Variants in PIGF observed in about 807,000 individuals in gnomAD.
PIGF encodes GPI ethanolamine phosphate transferase, stabilizing subunit.
PIGF carries 23 observed loss-of-function variants against 26.0 expected under a neutral mutation model. The ratio of observed to expected loss-of-function variants is 0.88; its 90% CI spans 0.64 to 1.25. The LOEUF is 1.25. Among genes scored for constraint, PIGF ranks in the 50% most tolerant of loss-of-function variants. The pLI, the probability that PIGF is intolerant of heterozygous loss-of-function variation, is 0.00. For synonymous variants in PIGF, 93 were observed against 92.6 expected (o/e 1.00, Z -0.03); for missense variants, 278 against 249.9 (o/e 1.11, Z -0.76).
chr2:46,616,266 C>T (rs1331397109), intron 1 of PIGF: 2 of 152,286 alleles, frequency 1.3e-5, no homozygotes, highest in Non-Finnish European at 2.9e-5. Context: ...GCATGAAAAG[C>T]AAACGGATGG....
At chr2:46,599,471 C>T (rs1036155353) in intron 4 of PIGF, among the ~76,000 whole-genome samples, 1 of 152,158 alleles carries the variant, frequency 6.6e-6, no homozygotes, top group African/African-American at 2.4e-5. Flanking sequence ...CACATCTTCT[C>T]TAAATGCTTT....
chr2:46,593,130 C>T (rs185735017), intron 4 of PIGF, among the ~76,000 whole-genome samples: 91 of 131,600 alleles, frequency 6.9e-4, no homozygotes, highest in Non-Finnish European at 1.8e-4. Flanking sequence ...TTCAACCAGT[C>T]TTTCTTTTTT....
At chr2:46,585,483 T>C (rs1360015295) in intron 5 of PIGF, among the ~76,000 whole-genome samples, 1 of 152,316 alleles carries the variant, frequency 6.6e-6, no homozygotes, top group East Asian at 1.9e-4. Context: ...CATTTTAACA[T>C]CTGAGCCTCA....
At chr2:46,584,224 C>G (rs1423010066) in intron 5 of PIGF, among the ~76,000 whole-genome samples, 1 of 152,132 alleles carries the variant, frequency 6.6e-6, no homozygotes, top group Non-Finnish European at 1.5e-5. Context: ...GCATAGTTTA[C>G]TATCTACGTA....
In PIGF at chr2:46,612,339, GC is replaced by G; in HGVS notation, c.325del (p.Ala109HisfsTer23). The G allele has an allele frequency of 8.0e-7, 1 of 1,243,246 alleles. No individual in the cohort carries two copies. The highest frequency in any genetic ancestry group is 1.1e-6 in the Non-Finnish European group (1 of 901,024). 77.0% of individuals were successfully genotyped at this position (1,243,246 alleles called of 1,614,324 possible). On this transcript the variant is annotated frameshift_variant, in exon 4 of 6. Coordinates refer to ENST00000281382, the MANE Select transcript of PIGF (RefSeq NM_002643.4). LOFTEE classifies it high-confidence loss of function. ...AACTGCAAATAAAAATGTTTCCAAT[GC>G]CAACCTAGAAAAAAAAAAAGATTAC... ...VLYGAPLIEL[A>X]LETFLFAVIL...
intron 3 of PIGF, 132 bp from the exon 4 acceptor site, chr2:46,612,476 A>G (rs1670454308): frequency 2.5e-6 from 1 of 392,850 alleles, no homozygotes; most frequent in East Asian, 3.9e-5. Context: ...GAATGCCACC[A>G]AAATGATGAC....
At position 46,611,462 on chromosome 2, in the gene PIGF, G is replaced by A. The variant is rs12613429; in HGVS notation, c.437+766C>T. ...TCATGCCACTGCACTCCAGCCTGGC[G>A]ACAGAGCGAGGTTCCATCTCAAAAA... On this transcript the variant is annotated intron_variant, in intron 4 of 5. Coordinates refer to ENST00000281382, the MANE Select transcript of PIGF (RefSeq NM_002643.4). 1.0e-3 allele frequency among the ~76,000 whole-genome samples: 147 copies of A among 147,046 alleles called. 2 individuals carry two copies. The East Asian group carries it at 0.026, about 26-fold the overall frequency.
At chr2:46,614,018 A>G in intron 2 of PIGF, 1 of 416,636 alleles carries the variant, frequency 2.4e-6, no homozygotes, top group South Asian at 3.3e-5. Flanking sequence ...TACCCATCCG[A>G]CCTACATGAG....
In PIGF at chr2:46,589,040, T is replaced by G. The variant is rs1395046498; in HGVS notation, c.546+3435A>C. ...AAAGCCTATCTGGATTATGGGAAAT[T>G]CAAATATTTGTTTTCTTGCTGAGAT... On this transcript the variant is annotated intron_variant, in intron 5 of 5. Coordinates refer to ENST00000281382, the MANE Select transcript of PIGF (RefSeq NM_002643.4). The surrounding 1 kb of genome is among the most constrained non-coding windows in gnomAD (Gnocchi z 4.7). Among the ~76,000 whole-genome samples, 1 of 152,098 alleles carries G rather than the reference T, an allele frequency of 6.6e-6. No homozygotes were observed. Among genetic ancestry groups the G allele is most frequent in the African/African-American group, 2.4e-5 (1 of 41,436 alleles).
chr2:46,598,010 T>C (rs931111815), intron 4 of PIGF, among the ~76,000 whole-genome samples: 3 of 152,224 alleles, frequency 2.0e-5, no homozygotes, highest in Non-Finnish European at 4.4e-5. Flanking sequence ...TTAAGAATTT[T>C]TCCCTTACTC....
chr2:46,595,283 C>T (rs1322025910), intron 4 of PIGF, among the ~76,000 whole-genome samples: 1 of 152,168 alleles, frequency 6.6e-6, no homozygotes, highest in Admixed American at 6.5e-5. Flanking sequence ...TTCCTCCCAG[C>T]CCTAGGCAAC....
intron 4 of PIGF, among the ~76,000 whole-genome samples, chr2:46,599,429 T>C (rs755794053): frequency 9.9e-5 from 15 of 152,210 alleles, no homozygotes; most frequent in African/African-American, 3.6e-4. Context: ...CTAGTCTTGT[T>C]TGCATCCCTT....
chr2:46,584,060 T>C (rs1270829266), intron 5 of PIGF, among the ~76,000 whole-genome samples: 4 of 152,216 alleles, frequency 2.6e-5, no homozygotes, highest in African/African-American at 9.6e-5. Flanking sequence ...GGTTTTGTTA[T>C]GAATTATCTT....
intron 4 of PIGF, among the ~76,000 whole-genome samples, chr2:46,596,511 A>C (rs77152469): frequency 6.6e-6 from 1 of 152,128 alleles, no homozygotes; most frequent in Non-Finnish European, 1.5e-5. Flanking sequence ...ATATTTATCA[A>C]AATAATATAT....
intron 5 of PIGF, 124 bp downstream of exon 5, chr2:46,592,351 T>C (rs1398362843): frequency 2.2e-5 from 14 of 637,450 alleles, no homozygotes; most frequent in South Asian, 1.2e-4. Context: ...CAGTGACTGA[T>C]AGAAGTGGTA....
chr2:46,581,770 T>C (rs1669388114), intron 5 of PIGF, 179 bp from the exon 6 acceptor site: 3 of 872,700 alleles, frequency 3.4e-6, no homozygotes, highest in Non-Finnish European at 4.9e-6. Flanking sequence ...TTTTAGTTAA[T>C]GTGCATTAAA....
intron 4 of PIGF, among the ~76,000 whole-genome samples, chr2:46,601,412 C>G (rs1670050766): frequency 6.6e-6 from 1 of 152,082 alleles, no homozygotes; most frequent in Non-Finnish European, 1.5e-5. Context: ...TACTACGTGC[C>G]AGACACTGTA....
At position 46,613,053 on chromosome 2, in the gene PIGF, T is replaced by C. The variant is rs1047905767; in HGVS notation, c.320+641A>G. ...GTAAAACTATGTATAAATATATATA[T>C]ATATATAAAATGGTATACTTAGCAA... On this transcript the variant is annotated intron_variant, in intron 3 of 5. Coordinates refer to ENST00000281382, the MANE Select transcript of PIGF (RefSeq NM_002643.4). Among the ~76,000 whole-genome samples, 7 of 151,108 alleles carry C rather than the reference T, an allele frequency of 4.6e-5. No individual in the cohort carries two copies. In the South Asian group the frequency reaches 1.2e-3, roughly 27 times the overall value.
intron 4 of PIGF, among the ~76,000 whole-genome samples, chr2:46,596,156 G>A (rs1011266774): frequency 1.1e-4 from 16 of 150,914 alleles, no homozygotes; most frequent in Admixed American, 9.9e-4. Flanking sequence ...GGAGGTTGTC[G>A]TGAGCCGAGA....
Sources: gnomAD v4.1 joint callset for allele counts (sites outside exome capture counted in the v4.1 genomes callset) on GRCh38, gnomAD v4.1.1 for gene constraint, Gnocchi (gnomAD v3.1) non-coding constraint, MANE v1.5 for transcripts, NCBI Gene and HGNC (gene_info 2026-07-23, HGNC 2026-07-21) for gene names.